Variants in ARAP1 observed in about 807,000 individuals in gnomAD.
ARAP1 encodes the protein ArfGAP with RhoGAP domain, ankyrin repeat and PH domain 1, also known as arf-GAP with Rho-GAP domain, ANK repeat and PH domain-containing protein 1.
In ARAP1, 76 loss-of-function variants were observed where a neutral mutation model predicts 172.2. That is an observed-to-expected ratio of 0.44 (90% CI 0.37 to 0.53). The LOEUF (loss-of-function observed/expected upper bound fraction) is 0.53, where lower values mean the gene tolerates loss of function less well. Ranked by LOEUF, ARAP1 falls within the 20% of genes least tolerant of loss-of-function variation. ARAP1 has a pLI of 0.00. For missense variants in ARAP1, 1,686 were observed against 1,977.5 expected, an observed-to-expected ratio of 0.85 and a Z score of 2.80; for synonymous variants, 804 against 803.3, an observed-to-expected ratio of 1.00 and a Z score of -0.01.
In ARAP1 at chr11:72,693,020, T is replaced by C; in HGVS notation, c.3955-235A>G. The C allele has an allele frequency of 1.6e-6, 1 of 644,212 alleles. No homozygotes were observed. Among genetic ancestry groups the C allele is most frequent in the Non-Finnish European group, 2.7e-6 (1 of 368,264 alleles). 39.9% of individuals were successfully genotyped at this position (644,212 alleles called of 1,614,324 possible). On this transcript the variant is annotated intron_variant, in intron 29 of 34. Coordinates refer to ENST00000393609, the MANE Select transcript of ARAP1 (RefSeq NM_001040118.3). The surrounding 1 kb of genome is among the most constrained non-coding windows in gnomAD (Gnocchi z 4.6). ...AAGGCATGCATGCACAACTTGGGGC[T>C]GTCATCAAGTAACAGGTTCCTGTGG...
At chr11:72,703,456 T>A in intron 14 of ARAP1, 1 of 175,908 alleles carries the variant, frequency 5.7e-6, no homozygotes. Context: ...TTTGAATTCC[T>A]CACCGCCTGC....
At chr11:72,740,335 C>T (rs11235577) in intron 1 of ARAP1, among the ~76,000 whole-genome samples, 24,793 of 152,062 alleles carry the variant, frequency 0.16, 2,938 homozygotes, top group African/African-American at 0.33. Flanking sequence ...CATGAAAGAC[C>T]AAGGGACAGT....
At position 72,714,199 on chromosome 11, in the gene ARAP1, C is replaced by G; in HGVS notation, c.632G>C (p.Cys211Ser). The G allele has an allele frequency of 6.6e-7, 1 of 1,520,608 alleles. No homozygotes were observed. Among genetic ancestry groups the G allele is most frequent in the Admixed American group, 2.4e-5 (1 of 41,248 alleles). The allele number at this position is 1,520,608 out of a possible 1,614,324, so 94.2% of individuals were successfully genotyped here. ...GPPQPPSPPP[C>S]PPEIPPKPVR... Reference sequence around the variant, plus strand: ...CGGCTTTGGAGGTATCTCCGGGGGGCAGGGAGGTGGAGAGGGAGGCTGGGG... The same window carrying G: ...CGGCTTTGGAGGTATCTCCGGGGGGGAGGGAGGTGGAGAGGGAGGCTGGGG... The change falls in exon 4 of 35, where the codon TGC (cysteine) becomes TCC (serine). Residue 211 changes from cysteine (C) to serine (S), a missense_variant. Coordinates refer to ENST00000393609, the MANE Select transcript of ARAP1 (RefSeq NM_001040118.3).
chr11:72,685,604 G>T lies in ARAP1; in HGVS notation c.*60C>A. The stretch of plus-strand genomic sequence containing the variant: ...TCACATCAGGCCTTGGAGCATAAGG[G>T]GTGTCTGAACAGAAGGCTTCCAGCG... On this transcript the variant is annotated 3_prime_UTR_variant, in exon 35 of 35. Transcript: ENST00000393609. 6.2e-7 allele frequency: 1 copy of T among 1,611,576 alleles called. No homozygotes were observed. The highest frequency in any genetic ancestry group is 8.5e-7 in the Non-Finnish European group (1 of 1,177,714).
chr11:72,707,408 T>C, intron 11 of ARAP1, 34 bp from the exon 12 acceptor site: 2 of 1,584,310 alleles, frequency 1.3e-6, no homozygotes, highest in Non-Finnish European at 1.7e-6. Flanking sequence ...TTAGTGGGGA[T>C]GGACTCAGAG....
chr11:72,716,702 C>T (rs1222473514), intron 3 of ARAP1, among the ~76,000 whole-genome samples: 1 of 152,234 alleles, frequency 6.6e-6, no homozygotes, highest in Non-Finnish European at 1.5e-5. Flanking sequence ...AGTCACTATC[C>T]ACTGTGAGAC....
intron 15 of ARAP1, 27 bp downstream of exon 15, chr11:72,702,878 T>C: frequency 1.9e-6 from 3 of 1,550,262 alleles, no homozygotes; most frequent in Non-Finnish European, 2.6e-6. Flanking sequence ...CACAGCCTGG[T>C]GGACCCCCAC....
chr11:72,715,435 G>C (rs1857228878), intron 3 of ARAP1, among the ~76,000 whole-genome samples: 1 of 152,238 alleles, frequency 6.6e-6, no homozygotes, highest in East Asian at 1.9e-4. Flanking sequence ...TGAAAGCAAG[G>C]AAGGGCTGGG....
At chr11:72,716,396 G>T (rs550183024) in intron 3 of ARAP1, among the ~76,000 whole-genome samples, 1 of 152,170 alleles carries the variant, frequency 6.6e-6, no homozygotes, top group African/African-American at 2.4e-5. Flanking sequence ...GCTGGCCTTC[G>T]GCTAGGTTTC....
At chr11:72,714,375 C>T (rs906568813) in intron 3 of ARAP1, 54 bp from the exon 4 acceptor site, 6 of 1,507,404 alleles carry the variant, frequency 4.0e-6, no homozygotes, top group African/African-American at 1.4e-5. Flanking sequence ...AAGACTGAAA[C>T]ATACTGAGCC....
intron 1 of ARAP1, among the ~76,000 whole-genome samples, chr11:72,743,327 G>C (rs1278634671): frequency 1.3e-5 from 2 of 152,230 alleles, no homozygotes; most frequent in Non-Finnish European, 2.9e-5. Context: ...GCACCTTCCA[G>C]TGTTTTCAGC....
At chr11:72,711,534 G>A (rs1857010833) in intron 7 of ARAP1, 35 bp from the exon 8 acceptor site, 4 of 1,579,534 alleles carry the variant, frequency 2.5e-6, no homozygotes, top group Non-Finnish European at 3.5e-6. Context: ...CAAATGACCG[G>A]GGGTAGGAGG....
rs1288076686 is a variant in ARAP1 at position 72,705,881 on chromosome 11, C to T, written c.1733G>A (p.Arg578His). 2 of 1,613,930 alleles carry T rather than the reference C, an allele frequency of 1.2e-6. No individual in the cohort carries two copies. The highest frequency in any genetic ancestry group is 1.3e-5 in the African/African-American group (1 of 74,910). ...VICKRCAGEH[R>H]GLGAGVSKVR... is the part of the protein sequence containing the mutation. ...CTTGGAGACGCCAGCGCCCAGGCCA[C>T]GGTGCTCCCCTGTAGACACAGGGCC... The change falls in exon 13 of 35, where the codon CGT becomes CAT. Residue 578 changes from arginine to histidine, a missense_variant. Around this residue, in one of 5 missense-constraint regions of ARAP1, gnomAD observed 688 missense variants for 856.9 expected, o/e 0.80. Coordinates refer to ENST00000393609, the MANE Select transcript of ARAP1 (RefSeq NM_001040118.3).
rs1856940548 is a variant in ARAP1, at chr11:72,710,034, G to A, written c.1417-58C>T. 1.4e-6 allele frequency: 2 copies of A among 1,481,126 alleles called. No homozygotes were observed. Among genetic ancestry groups the A allele is most frequent in the Non-Finnish European group, 9.4e-7 (1 of 1,060,012 alleles). The allele number at this position is 1,481,126 out of a possible 1,614,324, so 91.7% of individuals were successfully genotyped here. A position where few individuals can be genotyped will look rare whatever the true frequency, so the allele number is the denominator to read the frequency against. On this transcript the variant is annotated intron_variant, in intron 10 of 34. Coordinates refer to ENST00000393609, the MANE Select transcript of ARAP1 (RefSeq NM_001040118.3). The surrounding 1 kb of genome is among the most constrained non-coding windows in gnomAD (Gnocchi z 4.3). ...GCTTTGGGGGCAGGGCGTGAGGCTT[G>A]GGACAGGGAGAGGAAGGGAAGGTGG... is the stretch of plus-strand genomic sequence containing the variant.
Position 72,704,311 on chromosome 11 carries a change from G to A in ARAP1, c.1833C>T (p.Gly611=), listed in dbSNP as rs747770346. ...LIELFLQLGN[G]AGNRFWAANV... is the part of the protein sequence containing the mutation. ...TGGCTGCCCAGAAGCGGTTCCCAGC[G>A]CCATTCCCCAGCTGTAAGAAGAGCT... The change falls in exon 14 of 35, where the codon GGC becomes GGT. Residue 611 remains glycine, a synonymous_variant. Transcript: ENST00000393609. The A allele has an allele frequency of 1.8e-5, 28 of 1,599,264 alleles. No individual in the cohort carries two copies. Among genetic ancestry groups the A allele is most frequent in the Admixed American group, 1.2e-4 (7 of 58,216 alleles).
intron 1 of ARAP1, among the ~76,000 whole-genome samples, chr11:72,742,819 A>G (rs1294751850): frequency 6.6e-6 from 1 of 152,170 alleles, no homozygotes; most frequent in African/African-American, 2.4e-5. Flanking sequence ...CAGATCTCAA[A>G]TCTGATCAGT....
Position 72,699,136 on chromosome 11 carries a change from C to T in ARAP1, c.2439-29G>A, listed in dbSNP as rs1241122714. ...CAAATACACAGGCCAGGACTCAGGCCCACCTCATCCAGCACGGGCCCACCC... is the reference window on the plus strand; with the variant it reads ...CAAATACACAGGCCAGGACTCAGGCTCACCTCATCCAGCACGGGCCCACCC... On this transcript the variant is annotated intron_variant, in intron 17 of 34. Transcript: ENST00000393609. This position sits in a 1 kb window ranked among gnomAD's most constrained non-coding sequence, Gnocchi z 4.2. 1 of 1,610,312 alleles carries T rather than the reference C, an allele frequency of 6.2e-7. No individual in the cohort carries two copies. The highest frequency in any genetic ancestry group is 8.5e-7 in the Non-Finnish European group (1 of 1,177,120).
chr11:72,709,743 A>G, intron 11 of ARAP1, 127 bp downstream of exon 11: 1 of 931,604 alleles, frequency 1.1e-6, no homozygotes, highest in Non-Finnish European at 1.7e-6. Context: ...GGGGCTCCAC[A>G]GGTGGGGCAG....
In ARAP1 at chr11:72,693,645, G is replaced by A. The variant is rs771994180; in HGVS notation, c.3808+47C>T. 2.8e-5 allele frequency: 44 copies of A among 1,555,696 alleles called. No individual in the cohort carries two copies. Among genetic ancestry groups the A allele is most frequent in the Non-Finnish European group, 3.5e-5 (40 of 1,148,106 alleles). ...ACCACCAGGTCCCACCCTGGCTCTG[G>A]AAGAGAGGACCACCCGGAGCCTGGC... On this transcript the variant is annotated intron_variant, in intron 28 of 34. Coordinates refer to ENST00000393609, the MANE Select transcript of ARAP1 (RefSeq NM_001040118.3). This position sits in a 1 kb window ranked among gnomAD's most constrained non-coding sequence, Gnocchi z 4.6.
Sources: allele counts gnomAD v4.1 joint callset (sites outside exome capture counted in the v4.1 genomes callset), GRCh38; gene constraint gnomAD v4.1.1; regional missense constraint gnomAD v4.1.1; non-coding constraint Gnocchi (gnomAD v3.1); transcripts MANE v1.5; gene names NCBI Gene and HGNC (gene_info 2026-07-23, HGNC 2026-07-21).